The following NR3C2 variants were observed in gnomAD, a reference collection of about 807,000 sequenced individuals.
The protein encoded by NR3C2 is nuclear receptor subfamily 3 group C member 2.
A neutral mutation model predicts 86.4 loss-of-function variants in NR3C2; 15 were observed. The observed-to-expected ratio is 0.17, with a 90% CI of 0.12 to 0.27. NR3C2 has a LOEUF of 0.27. Ranked by LOEUF, NR3C2 falls within the 10% of genes least tolerant of loss-of-function variation. NR3C2 has a pLI of 1.00. For synonymous variants in NR3C2, 458 were observed against 450.5 expected, an observed-to-expected ratio of 1.02 and a Z score of -0.21; for missense variants, 960 against 1,195.6, an observed-to-expected ratio of 0.80 and a Z score of 2.91.
At chr4:148,114,500 C>T (rs558864302) in intron 7 of NR3C2, among the ~76,000 whole-genome samples, 1 of 152,310 alleles carries the variant, frequency 6.6e-6, no homozygotes, top group African/African-American at 2.4e-5. Flanking sequence ...TTAACCCTGA[C>T]ACCAATATTA....
At chr4:148,395,710 T>C (rs1344568106) in intron 2 of NR3C2, among the ~76,000 whole-genome samples, 1 of 152,190 alleles carries the variant, frequency 6.6e-6, no homozygotes, top group Non-Finnish European at 1.5e-5. Context: ...TATGTTATGT[T>C]ATGTTGAGCT....
At chr4:148,316,527 GAATC>G (rs1330491888) in intron 2 of NR3C2, among the ~76,000 whole-genome samples, 3 of 152,060 alleles carry the variant, frequency 2.0e-5, no homozygotes, top group South Asian at 4.1e-4. Flanking sequence ...TGAGAAATAA[GAATC>G]AATAAGTTAT....
chr4:148,302,846 C>CAAAAAAAAAAAAAAAAAAAAAA, intron 2 of NR3C2, among the ~76,000 whole-genome samples: 1 of 88,542 alleles, frequency 1.1e-5, no homozygotes, highest in Non-Finnish European at 2.3e-5. Context: ...AACTCCGTCT[C>CAAAAAAAAAAAAAAAAAAAAAA]AAAAAAAAAA....
At chr4:148,417,294 T>C (rs1470115480) in intron 2 of NR3C2, among the ~76,000 whole-genome samples, 2 of 152,224 alleles carry the variant, frequency 1.3e-5, no homozygotes, top group Non-Finnish European at 2.9e-5. Flanking sequence ...TATGCATGTG[T>C]GTATGCATGC....
intron 3 of NR3C2, among the ~76,000 whole-genome samples, chr4:148,228,330 C>T (rs369931245): frequency 2.6e-5 from 4 of 152,038 alleles, no homozygotes; most frequent in South Asian, 2.1e-4. Context: ...GACAGTACAT[C>T]GTCCATATCA....
intron 8 of NR3C2, among the ~76,000 whole-genome samples, chr4:148,095,954 A>G (rs991118691): frequency 6.6e-6 from 1 of 152,246 alleles, no homozygotes; most frequent in African/African-American, 2.4e-5. Context: ...TTTAACACCA[A>G]TCACTGATCT....
intron 2 of NR3C2, among the ~76,000 whole-genome samples, chr4:148,426,048 T>C (rs934695512): frequency 1.3e-5 from 2 of 152,158 alleles, no homozygotes; most frequent in Non-Finnish European, 2.9e-5. Flanking sequence ...ACAAGTCCAT[T>C]GCCCTCTTCA....
intron 2 of NR3C2, among the ~76,000 whole-genome samples, chr4:148,408,976 CT>C (rs1415209280): frequency 6.6e-6 from 1 of 152,076 alleles, no homozygotes; most frequent in African/African-American, 2.4e-5. Context: ...ACATACCAAA[CT>C]TTGTTGAATA....
chr4:148,404,101 C>T (rs1316301687), intron 2 of NR3C2, among the ~76,000 whole-genome samples: 1 of 152,042 alleles, frequency 6.6e-6, no homozygotes, highest in East Asian at 1.9e-4. Context: ...TAAAAGTCTG[C>T]TCTTCTGATG....
At position 148,310,916 on chromosome 4, in the gene NR3C2, T is replaced by C. The variant is rs78373606; in HGVS notation, c.1758-50799A>G. Among the ~76,000 whole-genome samples, 999 of 152,254 alleles carry C rather than the reference T, an allele frequency of 6.6e-3. 11 individuals carry two copies. The highest frequency in any genetic ancestry group is 0.023 in the African/African-American group (948 of 41,548). ...CTCTCATGATCCCACTCCCTGCACA[T>C]GGTCAGCCACAGCAAAACTGCTTAG... On this transcript the variant is annotated intron_variant, in intron 2 of 8. Transcript: ENST00000358102.
intron 3 of NR3C2, among the ~76,000 whole-genome samples, chr4:148,211,966 C>T (rs971656394): frequency 6.6e-6 from 1 of 152,140 alleles, no homozygotes; most frequent in African/African-American, 2.4e-5. Flanking sequence ...AGACTAGAGT[C>T]GAAAATTTCA....
intron 6 of NR3C2, among the ~76,000 whole-genome samples, chr4:148,127,119 G>A (rs879256698): frequency 1.3e-4 from 20 of 151,990 alleles, no homozygotes; most frequent in African/African-American, 3.9e-4. Flanking sequence ...GCATGAAATC[G>A]AATTCTCTAA....
At chr4:148,218,327 A>G (rs965992679) in intron 3 of NR3C2, among the ~76,000 whole-genome samples, 1 of 152,224 alleles carries the variant, frequency 6.6e-6, no homozygotes, top group African/African-American at 2.4e-5. Flanking sequence ...CCAACATATT[A>G]TAGTTGAATA....
At chr4:148,138,020 T>C (rs1733426579) in intron 6 of NR3C2, among the ~76,000 whole-genome samples, 1 of 152,230 alleles carries the variant, frequency 6.6e-6, no homozygotes, top group African/African-American at 2.4e-5. Flanking sequence ...TTTTAATTTC[T>C]AATATGGGTA....
intron 4 of NR3C2, among the ~76,000 whole-genome samples, chr4:148,169,376 T>G (rs1448576017): frequency 6.6e-6 from 1 of 152,024 alleles, no homozygotes; most frequent in Non-Finnish European, 1.5e-5. Flanking sequence ...CAACTTCTTC[T>G]GAGAAACACA....
chr4:148,314,294 A>G (rs1198753890), intron 2 of NR3C2, among the ~76,000 whole-genome samples: 1 of 152,202 alleles, frequency 6.6e-6, no homozygotes, highest in African/African-American at 2.4e-5. Context: ...TATTTTTAGT[A>G]CAGTATTAAA....
intron 2 of NR3C2, among the ~76,000 whole-genome samples, chr4:148,353,152 T>C (rs537307858): frequency 6.6e-6 from 1 of 152,116 alleles, no homozygotes; most frequent in Non-Finnish European, 1.5e-5. Context: ...CAAGACATGA[T>C]TAATCCAGAT....
chr4:148,303,738 A>G (rs1461703477), intron 2 of NR3C2, among the ~76,000 whole-genome samples: 1 of 152,234 alleles, frequency 6.6e-6, no homozygotes, highest in Non-Finnish European at 1.5e-5. Flanking sequence ...GCAAGTGATC[A>G]TGACAAATTC....
intron 2 of NR3C2, among the ~76,000 whole-genome samples, chr4:148,417,730 A>G (rs1168940491): frequency 6.6e-6 from 1 of 152,242 alleles, no homozygotes; most frequent in African/African-American, 2.4e-5. Context: ...CAATAATTCC[A>G]GCCCAGTGTT....
Sources: allele counts gnomAD v4.1 joint callset (sites outside exome capture counted in the v4.1 genomes callset), GRCh38; gene constraint gnomAD v4.1.1; transcripts MANE v1.5; gene names NCBI Gene and HGNC (gene_info 2026-07-23, HGNC 2026-07-21).